The following CCBE1 variants were observed in gnomAD, a reference collection of about 807,000 sequenced individuals.
CCBE1 encodes the protein collagen and calcium-binding EGF domain-containing protein 1.
In CCBE1, 37 loss-of-function variants were observed where a neutral mutation model predicts 50.0. That is an observed-to-expected ratio of 0.74 (90% CI 0.57 to 0.97). The LOEUF is 0.97. Among genes scored for constraint, CCBE1 ranks in the 50% least tolerant of loss-of-function variants. The pLI is 0.00. For missense variants in CCBE1, 538 were observed against 523.8 expected (o/e 1.03, Z -0.26); for synonymous variants, 234 against 203.7 (o/e 1.15, Z -1.27).
chr18:59,514,613 C>T (rs4374285), intron 2 of CCBE1, among the ~76,000 whole-genome samples: 99,998 of 136,216 alleles, frequency 0.73, 36,159 homozygotes, highest in African/African-American at 0.85. Flanking sequence ...TAGGCATGCT[C>T]TCCTGTTTTT....
rs140087032 is a variant in CCBE1, at chr18:59,642,328, G to A, written c.212+54301C>T. On this transcript the variant is annotated intron_variant, in intron 2 of 10. Coordinates refer to ENST00000439986, the MANE Select transcript of CCBE1 (RefSeq NM_133459.4). ...TACCCACATGGAAAAAATGATCACA[G>A]TGCCAACTGTCCAGAAGGTGAAATA... Among the ~76,000 whole-genome samples the A allele has an allele frequency of 2.9e-4, 44 of 152,268 alleles. No individual in the cohort carries two copies. In the East Asian group the frequency reaches 8.1e-3, roughly 28 times the overall value.
intron 3 of CCBE1, among the ~76,000 whole-genome samples, chr18:59,476,297 C>T (rs776603019): frequency 6.6e-5 from 10 of 152,194 alleles, no homozygotes; most frequent in Non-Finnish European, 1.0e-4. Context: ...GCTGCTGGTT[C>T]TTATGACTGC....
chr18:59,637,821 A>G (rs2053933786), intron 2 of CCBE1, among the ~76,000 whole-genome samples: 1 of 152,230 alleles, frequency 6.6e-6, no homozygotes, highest in Admixed American at 6.5e-5. Flanking sequence ...TTCTGTAACC[A>G]TTCATTAAAG....
intron 2 of CCBE1, among the ~76,000 whole-genome samples, chr18:59,558,338 AAGTC>A (rs2052683691): frequency 6.6e-6 from 1 of 152,242 alleles, no homozygotes; most frequent in South Asian, 2.1e-4. Flanking sequence ...AAAATGGTGA[AAGTC>A]AAAGAATGCA....
At chr18:59,682,089 C>T (rs188557687) in intron 2 of CCBE1, among the ~76,000 whole-genome samples, 28 of 152,288 alleles carry the variant, frequency 1.8e-4, no homozygotes, top group East Asian at 1.2e-3. Flanking sequence ...CCAGACCGGG[C>T]GCGTTGGCTC....
chr18:59,682,746 A>G (rs965280266), intron 2 of CCBE1, among the ~76,000 whole-genome samples: 6 of 152,282 alleles, frequency 3.9e-5, no homozygotes, highest in Non-Finnish European at 2.9e-5. Context: ...AAGATTAGGA[A>G]AAGTAAACTC....
chr18:59,480,459 T>G (rs932522889), intron 2 of CCBE1, among the ~76,000 whole-genome samples: 3 of 152,126 alleles, frequency 2.0e-5, no homozygotes, highest in Admixed American at 2.0e-4. Context: ...ACATAATATA[T>G]GAAATCAACA....
intron 2 of CCBE1, among the ~76,000 whole-genome samples, chr18:59,630,309 CA>C (rs2053835208): frequency 6.6e-6 from 1 of 151,228 alleles, no homozygotes; most frequent in Non-Finnish European, 1.5e-5. Context: ...CCTTCATAAA[CA>C]GCTCTTTTTA....
chr18:59,598,215 A>G (rs2053382487), intron 2 of CCBE1, among the ~76,000 whole-genome samples: 2 of 152,186 alleles, frequency 1.3e-5, no homozygotes, highest in African/African-American at 4.8e-5. Flanking sequence ...AAAACCAGTG[A>G]TTTACAAAGC....
intron 2 of CCBE1, among the ~76,000 whole-genome samples, chr18:59,559,484 T>C (rs1024398160): frequency 6.6e-6 from 1 of 152,202 alleles, no homozygotes; most frequent in Admixed American, 6.5e-5. Context: ...TCGGCAGTCA[T>C]GTACAGAGTT....
intron 2 of CCBE1, among the ~76,000 whole-genome samples, chr18:59,533,165 A>C (rs1915116559): frequency 6.6e-6 from 1 of 152,226 alleles, no homozygotes; most frequent in Non-Finnish European, 1.5e-5. Flanking sequence ...GAAACAAAAC[A>C]AAGTAGATCG....
At chr18:59,554,151 A>G (rs1916026877) in intron 2 of CCBE1, among the ~76,000 whole-genome samples, 1 of 152,060 alleles carries the variant, frequency 6.6e-6, no homozygotes, top group South Asian at 2.1e-4. Flanking sequence ...CACAATGCCC[A>G]GCTAACTTTA....
In CCBE1 at chr18:59,503,105, G is replaced by A. The variant is rs532652787; in HGVS notation, c.213-22867C>T. 4.6e-5 allele frequency among the ~76,000 whole-genome samples: 7 copies of A among 152,314 alleles called. No homozygotes were observed. The South Asian group carries it at 1.4e-3, about 32-fold the overall frequency. On this transcript the variant is annotated intron_variant, in intron 2 of 10. Transcript: ENST00000439986. ...GCCTGTTCCCTCAAAGGACAGGCCT[G>A]TGATGCAGATGTGACACAGCCCACT...
chr18:59,660,406 A>T (rs995000984), intron 2 of CCBE1, among the ~76,000 whole-genome samples: 8 of 152,178 alleles, frequency 5.3e-5, no homozygotes, highest in Admixed American at 3.3e-4. Context: ...TTAGCAAGGC[A>T]AAAGAGTTTC....
At chr18:59,543,367 ATT>A (rs1915543390) in intron 2 of CCBE1, among the ~76,000 whole-genome samples, 1 of 152,194 alleles carries the variant, frequency 6.6e-6, no homozygotes, top group Non-Finnish European at 1.5e-5. Context: ...AAGTATTTTT[ATT>A]GTTTTCCTCC....
chr18:59,559,502 G>A (rs2052703781), intron 2 of CCBE1, among the ~76,000 whole-genome samples: 1 of 152,244 alleles, frequency 6.6e-6, no homozygotes, highest in Non-Finnish European at 1.5e-5. Flanking sequence ...GTTAGTGCAA[G>A]TCATTCGGAA....
rs551455863 is a variant in CCBE1, at chr18:59,559,429, G to A, written c.213-79191C>T. Among the ~76,000 whole-genome samples the A allele has an allele frequency of 4.6e-5, 7 of 152,332 alleles. No individual in the cohort carries two copies. The South Asian group carries it at 1.5e-3, about 32-fold the overall frequency. Reference sequence around the variant, plus strand: ...CCTACTGTGGTGGAGCATACTTCCTGTGGTGCCCGTGCCCCGCCAAGTTGT... The same window carrying A: ...CCTACTGTGGTGGAGCATACTTCCTATGGTGCCCGTGCCCCGCCAAGTTGT... On this transcript the variant is annotated intron_variant, in intron 2 of 10. Transcript: ENST00000439986.
In CCBE1 at chr18:59,449,800, G is replaced by A. The variant is rs538452459; in HGVS notation, c.655-1697C>T. On this transcript the variant is annotated intron_variant, in intron 6 of 10. Transcript: ENST00000439986. ...TAAACAGAACCTCAGGATGAGGCCT[G>A]CACACAGATGGGCTCCAGAGATGCT... Among the ~76,000 whole-genome samples, 167 of 152,254 alleles carry A rather than the reference G, an allele frequency of 1.1e-3. 1 individual carries two copies. The highest frequency in any genetic ancestry group is 3.5e-3 in the African/African-American group (147 of 41,562).
At chr18:59,653,373 A>G (rs1040642047) in intron 2 of CCBE1, among the ~76,000 whole-genome samples, 1 of 152,242 alleles carries the variant, frequency 6.6e-6, no homozygotes, top group Non-Finnish European at 1.5e-5. Flanking sequence ...CAATCTGGTC[A>G]TGCTACTTTT....
Sources: gnomAD v4.1 joint callset for allele counts (sites outside exome capture counted in the v4.1 genomes callset) on GRCh38, gnomAD v4.1.1 for gene constraint, MANE v1.5 for transcripts, NCBI Gene and HGNC (gene_info 2026-07-23, HGNC 2026-07-21) for gene names.